GCLC: variants seen among roughly 807,000 people sequenced by gnomAD.
GCLC encodes glutamate-cysteine ligase catalytic subunit.
Under a neutral mutation model 81.5 loss-of-function variants are expected in GCLC, and 30 were observed. That is an observed-to-expected ratio of 0.37 (90% CI 0.28 to 0.50). The LOEUF (loss-of-function observed/expected upper bound fraction) is 0.50, where lower values mean the gene tolerates loss of function less well. GCLC is among the 20% of genes least tolerant of loss of function. GCLC has a pLI of 0.96. For synonymous variants in GCLC, 262 were observed against 273.3 expected, an observed-to-expected ratio of 0.96 and a Z score of 0.41; for missense variants, 556 against 777.4, an observed-to-expected ratio of 0.72 and a Z score of 3.39.
chr6:53,500,036 A>G lies in GCLC; in HGVS notation c.1702+9T>C, dbSNP rs377604505. 1.9e-6 allele frequency: 3 copies of G among 1,577,648 alleles called. No individual in the cohort carries two copies. In the Admixed American group the frequency reaches 5.0e-5, roughly 26 times the overall value. Reference sequence around the variant, plus strand: ...TATATTATGAGATTAAGAAAAATAGATATCATACCAGATGCTCTCTTCTTA... The same window carrying G: ...TATATTATGAGATTAAGAAAAATAGGTATCATACCAGATGCTCTCTTCTTA... On this transcript the variant is annotated intron_variant, in intron 15 of 15. Coordinates refer to ENST00000650454, the MANE Select transcript of GCLC (RefSeq NM_001498.4).
chr6:53,534,848 C>G (rs1763233440), intron 1 of GCLC, among the ~76,000 whole-genome samples: 1 of 152,196 alleles, frequency 6.6e-6, no homozygotes, highest in Admixed American at 6.5e-5. Context: ...TATTCATATA[C>G]TTGAAGACTC....
At chr6:53,541,490 T>A (rs1043937840) in intron 1 of GCLC, among the ~76,000 whole-genome samples, 40 of 152,168 alleles carry the variant, frequency 2.6e-4, no homozygotes, top group African/African-American at 9.7e-4. Flanking sequence ...CCCAGAGACA[T>A]AACTGAAGCA....
At chr6:53,522,580 T>C (rs1018567616) in intron 1 of GCLC, 53 bp from the exon 2 acceptor site, 4 of 1,127,954 alleles carry the variant, frequency 3.5e-6, no homozygotes, top group Non-Finnish European at 5.4e-6. Flanking sequence ...TTGTTTTCAG[T>C]GTGGCCTCCA....
intron 1 of GCLC, among the ~76,000 whole-genome samples, chr6:53,531,540 A>G (rs1763171990): frequency 6.6e-6 from 1 of 152,134 alleles, no homozygotes; most frequent in Admixed American, 6.5e-5. Flanking sequence ...CAATCTTCTC[A>G]GCCTCCTTCA....
At chr6:53,508,385 A>G (rs1365104080) in intron 8 of GCLC, among the ~76,000 whole-genome samples, 1 of 152,226 alleles carries the variant, frequency 6.6e-6, no homozygotes, top group Admixed American at 6.5e-5. Flanking sequence ...CACTTCCAAA[A>G]TATAGAAAAA....
chr6:53,513,011 T>G (rs1764785426), intron 6 of GCLC: 1 of 152,230 alleles, frequency 6.6e-6, no homozygotes, highest in African/African-American at 2.4e-5. Context: ...GTGTGATGGT[T>G]TATGTTTATT....
Position 53,520,643 on chromosome 6 carries a change from C to G in GCLC, c.446+135G>C. 3.8e-6 allele frequency: 3 copies of G among 793,304 alleles called. No individual in the cohort carries two copies. In the South Asian group the frequency reaches 4.1e-5, roughly 11 times the overall value. The allele number at this position is 793,304 out of a possible 1,614,324, so 49.1% of individuals were successfully genotyped here. A position where few individuals can be genotyped will look rare whatever the true frequency, so the allele number is the denominator to read the frequency against. On this transcript the variant is annotated intron_variant, in intron 3 of 15. Coordinates refer to ENST00000650454, the MANE Select transcript of GCLC (RefSeq NM_001498.4). ...GCAGCTCTACTGTTACAGAGTCTAT[C>G]AAGTGCAGTCTATAAAAGATAAACC... is the stretch of plus-strand genomic sequence containing the variant.
At chr6:53,499,006 C>G (rs201315867) in intron 15 of GCLC, 39 bp from the exon 16 acceptor site, 1 of 1,351,808 alleles carries the variant, frequency 7.4e-7, no homozygotes, top group South Asian at 1.2e-5. Flanking sequence ...ATTAAAACCA[C>G]GTAAGTTTTT....
chr6:53,522,482 G>A lies in GCLC; in HGVS notation c.196C>T (p.Arg66Trp), dbSNP rs143809584. ...ACTTTCTCCCCAGACAGGACCAACC[G>A]GACTTTTTTATTTTCATGATCAAAA... The part of the protein sequence containing the change: ...VSFDHENKKV[R>W]LVLSGEKVLE... The change falls in exon 2 of 16, where the codon CGG (arginine) becomes TGG (tryptophan). Residue 66 changes from arginine to tryptophan, a missense_variant. This residue lies in a region of GCLC where 234 missense variants were observed against 303.8 expected (regional missense o/e 0.77). Coordinates refer to ENST00000650454, the MANE Select transcript of GCLC (RefSeq NM_001498.4). 3.9e-4 allele frequency: 622 copies of A among 1,612,642 alleles called. 9 individuals are homozygous for A. The East Asian group carries it at 0.014, about 35-fold the overall frequency.
rs1228035276 is a variant in GCLC at position 53,509,266 on chromosome 6, A to G, written c.754-16T>C. The stretch of plus-strand genomic sequence containing the variant: ...GGAATGTCACCTGTTTAAGAATTGC[A>G]AAGTTATTAACACCAAGGAATCATT... On this transcript the variant is annotated splice_polypyrimidine_tract_variant and intron_variant, in intron 6 of 15. Coordinates refer to ENST00000650454, the MANE Select transcript of GCLC (RefSeq NM_001498.4). 2.7e-6 allele frequency: 4 copies of G among 1,485,014 alleles called. No individual in the cohort carries two copies. In the Admixed American group the frequency reaches 6.7e-5, roughly 25 times the overall value. 92.0% of individuals were successfully genotyped at this position (1,485,014 alleles called of 1,614,324 possible). A position where few individuals can be genotyped will look rare whatever the true frequency, so the allele number is the denominator to read the frequency against.
At position 53,544,661 on chromosome 6, in the gene GCLC, C is replaced by T. The variant is rs770545397; in HGVS notation, c.-16G>A. 1.3e-6 allele frequency: 2 copies of T among 1,576,626 alleles called. No homozygotes were observed. Among genetic ancestry groups the T allele is most frequent in the East Asian group, 4.6e-5 (2 of 43,822 alleles). On this transcript the variant is annotated 5_prime_UTR_variant, in exon 1 of 16. Coordinates refer to ENST00000650454, the MANE Select transcript of GCLC (RefSeq NM_001498.4). ...GCAGCCCCATGGCCGCCCCCTCCTC[C>T]TCCTCCTCCTCCTCCGGGCTGACGG...
At chr6:53,508,751 G>C (rs1334753498) in intron 7 of GCLC, 40 bp from the exon 8 acceptor site, 2 of 1,322,190 alleles carry the variant, frequency 1.5e-6, no homozygotes, top group African/African-American at 2.9e-5. Flanking sequence ...AATTCAAAGT[G>C]TCACTTACAT....
intron 1 of GCLC, among the ~76,000 whole-genome samples, chr6:53,526,594 C>G (rs1443389994): frequency 1.3e-5 from 2 of 151,946 alleles, no homozygotes; most frequent in Admixed American, 1.3e-4. Context: ...GTCAGGAGAT[C>G]AAGACCATCC....
rs1214980679 is a variant in GCLC at position 53,498,963 on chromosome 6, T to C, written c.1707A>G (p.Glu569=). The part of the protein sequence containing the change: ...LKLIKKRASG[E]LMTVARWMRE... ...TCATCCATCTGGCAACTGTCATTAGTTCTCCTGTGGGCGAGGGGGGAGCGA... is the reference window on the plus strand; with the variant it reads ...TCATCCATCTGGCAACTGTCATTAGCTCTCCTGTGGGCGAGGGGGGAGCGA... The change falls in exon 16 of 16, where the codon GAA becomes GAG. Residue 569 remains glutamate (E), a synonymous_variant. Transcript: ENST00000650454. 1 of 1,610,644 alleles carries C rather than the reference T, an allele frequency of 6.2e-7. No individual in the cohort carries two copies. Among genetic ancestry groups the C allele is most frequent in the African/African-American group, 1.3e-5 (1 of 74,806 alleles).
At chr6:53,543,820 T>TG (rs756645232) in intron 1 of GCLC, among the ~76,000 whole-genome samples, 2 of 152,242 alleles carry the variant, frequency 1.3e-5, no homozygotes, top group East Asian at 3.8e-4. Flanking sequence ...GTTTAGTTGC[T>TG]GGACCTAGGC....
chr6:53,535,665 C>T (rs1343204087), intron 1 of GCLC, among the ~76,000 whole-genome samples: 1 of 152,200 alleles, frequency 6.6e-6, no homozygotes, highest in African/African-American at 2.4e-5. Flanking sequence ...ATGATTTTAA[C>T]ACACTTCACA....
At position 53,521,789 on chromosome 6, in the gene GCLC, C is replaced by G. The variant is rs547328; in HGVS notation, c.263+626G>C. On this transcript the variant is annotated intron_variant, in intron 2 of 15. Coordinates refer to ENST00000650454, the MANE Select transcript of GCLC (RefSeq NM_001498.4). Reference sequence around the variant, plus strand: ...GAAATGGAGACCATCCTGGCTAACACGGTGAAACCCCCGTCTCTACTAAAA... The same window carrying G: ...GAAATGGAGACCATCCTGGCTAACAGGGTGAAACCCCCGTCTCTACTAAAA... Among the ~76,000 whole-genome samples the G allele has an allele frequency of 8.4e-4, 128 of 152,124 alleles. 2 individuals carry two copies. In the East Asian group the frequency reaches 0.023, roughly 28 times the overall value.
rs1309196738 is a variant in GCLC at position 53,544,538 on chromosome 6, G to A, written c.108C>T (p.Ala36=). The change falls in exon 1 of 16, where the codon GCC becomes GCT. Residue 36 remains alanine, a synonymous_variant. Transcript: ENST00000650454. ...GAACGTCCTTGTGCCGGTCCTTGAC[G>A]GCGTGGTAGATGTGCAGGAACTGGA... ...GILQFLHIYH[A]VKDRHKDVLK... is the part of the protein sequence containing the mutation. The A allele has an allele frequency of 6.2e-7, 1 of 1,609,076 alleles. No homozygotes were observed. Among genetic ancestry groups the A allele is most frequent in the Non-Finnish European group, 8.5e-7 (1 of 1,179,646 alleles).
At chr6:53,512,883 T>C (rs574502202) in intron 6 of GCLC, 3 of 152,330 alleles carry the variant, frequency 2.0e-5, no homozygotes, top group South Asian at 4.1e-4. Flanking sequence ...TAACAGCACT[T>C]ATACAATTTT....
Sources: allele counts gnomAD v4.1 joint callset (sites outside exome capture counted in the v4.1 genomes callset), GRCh38; gene constraint gnomAD v4.1.1; regional missense constraint gnomAD v4.1.1; transcripts MANE v1.5; gene names NCBI Gene and HGNC (gene_info 2026-07-23, HGNC 2026-07-21).